The following FAM200B variants were observed in gnomAD, a reference collection of about 807,000 sequenced individuals.
FAM200B encodes the protein protein FAM200B.
FAM200B carries 32 observed loss-of-function variants against 33.1 expected under a neutral mutation model. The observed-to-expected ratio is 0.97, with a 90% CI of 0.73 to 1.30. FAM200B has a LOEUF of 1.30. Among genes scored for constraint, FAM200B ranks in the 50% most tolerant of loss-of-function variants. The pLI, the probability that FAM200B is intolerant of heterozygous loss-of-function variation, is 0.00. For synonymous variants in FAM200B, 240 were observed against 264.8 expected (o/e 0.91, Z 0.91); for missense variants, 741 against 754.0 (o/e 0.98, Z 0.20).
chr4:15,688,721 G>C lies in FAM200B; in HGVS notation c.1744G>C (p.Ala582Pro), dbSNP rs1719124678. The change falls in exon 2 of 2, where the codon GCA becomes CCA. Residue 582 changes from alanine (A) to proline (P), a missense_variant. Transcript: ENST00000422728. ...TGATTATGAAACCTTAAGTTTATCA[G>C]CATTTTGGATGAAGGTAAAGGAAGA... ...KNDYETLSLS[A>P]FWMKVKEDFP... 8.4e-6 allele frequency: 13 copies of C among 1,550,424 alleles called. No individual in the cohort carries two copies. In the South Asian group the frequency reaches 1.4e-4, roughly 17 times the overall value.
the FAM200B span, among the ~76,000 whole-genome samples, chr4:15,649,215 C>CA: frequency 6.6e-6 from 1 of 152,060 alleles, no homozygotes; most frequent in African/African-American, 2.4e-5. Context: ...CTACCCAACT[C>CA]AGTTTTTCTC....
At chr4:15,656,201 G>A in the FAM200B span, 19 of 456,142 alleles carry the variant, frequency 4.2e-5, no homozygotes, top group Non-Finnish European at 7.9e-5. Flanking sequence ...TTTAAGCGGA[G>A]GTTCGGAGAG....
chr4:15,686,151 G>C (rs1376739091), intron 1 of FAM200B, 85 bp from the exon 2 acceptor site: 1 of 152,142 alleles, frequency 6.6e-6, no homozygotes, highest in Non-Finnish European at 1.5e-5. Flanking sequence ...CTATGATCTT[G>C]GATATCATAA....
At chr4:15,647,503 A>C in the FAM200B span, among the ~76,000 whole-genome samples, 1 of 152,214 alleles carries the variant, frequency 6.6e-6, no homozygotes, top group Admixed American at 6.5e-5. Context: ...GAAGACTGTA[A>C]TGCCCTAACA....
chr4:15,655,727 T>A, the FAM200B span, among the ~76,000 whole-genome samples: 1 of 152,170 alleles, frequency 6.6e-6, no homozygotes, highest in African/African-American at 2.4e-5. Flanking sequence ...GGCCGCGAGC[T>A]CTGCTTGTGC....
the FAM200B span, among the ~76,000 whole-genome samples, chr4:15,671,260 GT>G: frequency 6.6e-6 from 1 of 151,864 alleles, no homozygotes; most frequent in Admixed American, 6.6e-5. Flanking sequence ...GTTTTTCTCT[GT>G]TTGGTACTTG....
the FAM200B span, among the ~76,000 whole-genome samples, chr4:15,668,975 C>T: frequency 6.6e-6 from 1 of 152,312 alleles, no homozygotes; most frequent in South Asian, 2.1e-4. Flanking sequence ...TAAGTCTGTA[C>T]AGACTTCATA....
At chr4:15,670,985 G>C in the FAM200B span, among the ~76,000 whole-genome samples, 1 of 139,810 alleles carries the variant, frequency 7.2e-6, no homozygotes, top group African/African-American at 2.7e-5. Flanking sequence ...ATGCAGTGGC[G>C]TGATCTCGGC....
the FAM200B span, among the ~76,000 whole-genome samples, chr4:15,638,185 A>G: frequency 1.3e-5 from 2 of 152,224 alleles, no homozygotes; most frequent in Non-Finnish European, 2.9e-5. Context: ...GTAGTTTTCA[A>G]CAATTTTGAC....
In FAM200B at chr4:15,688,214, A is replaced by T. The variant is rs1314302933; in HGVS notation, c.1237A>T (p.Lys413Ter). The T allele has an allele frequency of 2.6e-6, 4 of 1,551,000 alleles. No homozygotes were observed. The highest frequency in any genetic ancestry group is 3.5e-6 in the Non-Finnish European group (4 of 1,146,614). ...GATTCACTTTTTTCTCATTGAAAAA[A>T]AATCTCATTTGGCAAGTATTTTTGA... ...NEIHFFLIEKKSHLASIFEDD... is the reference protein window; with the variant it reads ...NEIHFFLIEK The change falls in exon 2 of 2, where the codon AAA becomes TAA. Residue 413 changes from lysine (K) to a stop codon, truncating the protein, a stop_gained. Transcript: ENST00000422728. LOFTEE classifies it high-confidence loss of function.
At chr4:15,658,319 C>A in the FAM200B span, among the ~76,000 whole-genome samples, 1 of 152,242 alleles carries the variant, frequency 6.6e-6, no homozygotes, top group Non-Finnish European at 1.5e-5. Context: ...AGTCAATCAA[C>A]AACTGCTGCA....
the FAM200B span, among the ~76,000 whole-genome samples, chr4:15,649,804 A>C: frequency 6.6e-6 from 1 of 152,180 alleles, no homozygotes; most frequent in Non-Finnish European, 1.5e-5. Flanking sequence ...TTCTTAAAAC[A>C]ACCTAAAAAG....
At chr4:15,656,115 C>T in the FAM200B span, 9 of 452,386 alleles carry the variant, frequency 2.0e-5, no homozygotes, top group Non-Finnish European at 2.7e-5. Context: ...ATAGGCCCGA[C>T]GGGCCTTGGG....
chr4:15,689,176 A>T lies in FAM200B; in HGVS notation c.*225A>T, dbSNP rs922178934. 1 of 375,252 alleles carries T rather than the reference A, an allele frequency of 2.7e-6. No individual in the cohort carries two copies. Among genetic ancestry groups the T allele is most frequent in the Non-Finnish European group, 4.9e-6 (1 of 205,528 alleles). The allele number at this position is 375,252 out of a possible 1,614,324, so 23.2% of individuals were successfully genotyped here. A position where few individuals can be genotyped will look rare whatever the true frequency, so the allele number is the denominator to read the frequency against. On this transcript the variant is annotated 3_prime_UTR_variant, in exon 2 of 2. Coordinates refer to ENST00000422728, the MANE Select transcript of FAM200B (RefSeq NM_001145191.2). Reference sequence around the variant, plus strand: ...TTTGGGATACAAAAGTGAACAAAACAGGTAATTCCCTAGTAGAGTTTATAT... The same window carrying T: ...TTTGGGATACAAAAGTGAACAAAACTGGTAATTCCCTAGTAGAGTTTATAT...
At chr4:15,666,443 G>A in the FAM200B span, among the ~76,000 whole-genome samples, 1 of 151,992 alleles carries the variant, frequency 6.6e-6, no homozygotes, top group African/African-American at 2.4e-5. Context: ...TCACATTTGT[G>A]GAATCTAAAA....
chr4:15,662,415 GTGT>G, the FAM200B span, among the ~76,000 whole-genome samples: 3 of 152,176 alleles, frequency 2.0e-5, 1 homozygote, highest in East Asian at 3.8e-4. Flanking sequence ...ATACTTCATA[GTGT>G]TGTTGTAAAG....
At chr4:15,656,758 G>C in the FAM200B span, among the ~76,000 whole-genome samples, 1 of 150,228 alleles carries the variant, frequency 6.7e-6, no homozygotes, top group African/African-American at 2.4e-5. Context: ...ACCTACCTCA[G>C]AATCTTTATG....
At chr4:15,657,618 T>C in the FAM200B span, among the ~76,000 whole-genome samples, 2 of 152,248 alleles carry the variant, frequency 1.3e-5, no homozygotes, top group African/African-American at 4.8e-5. Context: ...GAATTTGTTT[T>C]AGATGACAAA....
the FAM200B span, among the ~76,000 whole-genome samples, chr4:15,653,404 A>T: frequency 3.3e-5 from 5 of 152,342 alleles, no homozygotes; most frequent in Non-Finnish European, 5.9e-5. Flanking sequence ...CTTCTTGAAA[A>T]TTTTAAAATA....
Sources: allele counts gnomAD v4.1 joint callset (sites outside exome capture counted in the v4.1 genomes callset), GRCh38; gene constraint gnomAD v4.1.1; transcripts MANE v1.5; gene names NCBI Gene and HGNC (gene_info 2026-07-23, HGNC 2026-07-21).